ATRX: variants seen among roughly 807,000 people sequenced by gnomAD.
ATRX encodes the protein chromatin remodeler ATRX.
In ATRX, 12 loss-of-function variants were observed where a neutral mutation model predicts 172.6. The observed-to-expected ratio is 0.07, with a 90% CI of 0.04 to 0.11. ATRX has a LOEUF of 0.11. Ranked by LOEUF, ATRX falls within the 10% of genes least tolerant of loss-of-function variation. The pLI is 1.00. For synonymous variants in ATRX, 674 were observed against 594.7 expected (o/e 1.13, Z -1.94); for missense variants, 1,368 against 1,767.4 (o/e 0.77, Z 4.05).
At chrX:77,663,252 G>A (rs2070025749) in intron 12 of ATRX, 130 bp downstream of exon 12, 1 of 698,651 alleles carries the variant, frequency 1.4e-6, no homozygotes, top group Non-Finnish European at 2.3e-6. Context: ...TCCCTATGTT[G>A]CCCAGGCTGG....
chrX:77,522,735 G>C (rs1817804106), intron 31 of ATRX, among the ~76,000 whole-genome samples: 1 of 111,787 alleles, frequency 8.9e-6, no homozygotes, highest in Admixed American at 9.5e-5. Context: ...CCATGCTCAG[G>C]CACATTTTTG....
At chrX:77,561,372 C>G in intron 28 of ATRX, among the ~76,000 whole-genome samples, 1 of 110,701 alleles carries the variant, frequency 9.0e-6, no homozygotes, top group Non-Finnish European at 1.9e-5. Flanking sequence ...CTTCAATACG[C>G]AAGTCCATAT....
chrX:77,629,797 T>G (rs1443236989), intron 19 of ATRX, among the ~76,000 whole-genome samples: 1 of 111,855 alleles, frequency 8.9e-6, no homozygotes, highest in Non-Finnish European at 1.9e-5. Flanking sequence ...ATCAAAAACA[T>G]GACAACCAAC....
chrX:77,645,005 A>G (rs2068839743), intron 15 of ATRX, among the ~76,000 whole-genome samples: 1 of 111,780 alleles, frequency 8.9e-6, no homozygotes, highest in African/African-American at 3.3e-5. Context: ...AAGCAGCAAG[A>G]GAGAAGCAAG....
At chrX:77,526,075 G>A (rs1398890430) in intron 30 of ATRX, among the ~76,000 whole-genome samples, 1 of 111,189 alleles carries the variant, frequency 9.0e-6, no homozygotes. Context: ...TAGAAATTGA[G>A]GCCCAAAGAG....
chrX:77,715,344 G>A (rs1222520325), intron 2 of ATRX, among the ~76,000 whole-genome samples: 4 of 111,456 alleles, frequency 3.6e-5, no homozygotes, highest in African/African-American at 9.8e-5. Flanking sequence ...ACAAGAACAC[G>A]CTGCACAGGT....
chrX:77,662,064 CCTT>C (rs1242217835), intron 12 of ATRX, among the ~76,000 whole-genome samples: 1 of 111,571 alleles, frequency 9.0e-6, no homozygotes, highest in Admixed American at 9.6e-5. Flanking sequence ...TGGGTAAAAG[CCTT>C]CTTTGTGAAG....
At chrX:77,660,977 A>G (rs45459797) in intron 12 of ATRX, among the ~76,000 whole-genome samples, 3,269 of 112,076 alleles carry the variant, frequency 0.029, 63 homozygotes, top group Non-Finnish European at 0.048. Flanking sequence ...CTCTTCTCCA[A>G]CAACCCCATT....
At chrX:77,650,892 C>A (rs1394666446) in intron 15 of ATRX, among the ~76,000 whole-genome samples, 1 of 111,823 alleles carries the variant, frequency 8.9e-6, no homozygotes, top group Non-Finnish European at 1.9e-5. Context: ...CAGGCCCATA[C>A]CAACTATTTT....
At chrX:77,629,867 G>A (rs899794869) in intron 19 of ATRX, among the ~76,000 whole-genome samples, 3 of 112,041 alleles carry the variant, frequency 2.7e-5, no homozygotes, top group Non-Finnish European at 3.8e-5. Flanking sequence ...AATTAGGCAA[G>A]AAAAAGAAGT....
In ATRX at chrX:77,656,571, C is replaced by T. The variant is rs1399734659; in HGVS notation, c.4203G>A (p.Arg1401=). 5.8e-6 allele frequency: 7 copies of T among 1,205,626 alleles called. No homozygotes were observed. In the East Asian group the frequency reaches 2.1e-4, roughly 36 times the overall value. ...EEVSESEDEQ[R]PRTRSAKKAE... ...ACCAATTATAATACCTTGTTCTGGGCCGCTGTTCATCTTCGGATTCACTAA... is the reference window on the plus strand; with the variant it reads ...ACCAATTATAATACCTTGTTCTGGGTCGCTGTTCATCTTCGGATTCACTAA... The change falls in exon 13 of 35, where the codon CGG becomes CGA. Residue 1401 remains arginine (R), a synonymous_variant. Coordinates refer to ENST00000373344, the MANE Select transcript of ATRX (RefSeq NM_000489.6).
intron 26 of ATRX, among the ~76,000 whole-genome samples, chrX:77,591,538 A>T (rs2066903649): frequency 8.9e-6 from 1 of 112,038 alleles, no homozygotes; most frequent in South Asian, 3.7e-4. Flanking sequence ...ACTGAAAACA[A>T]TTGAAGCTAT....
At chrX:77,777,012 T>C (rs2148964446) in intron 1 of ATRX, among the ~76,000 whole-genome samples, 1 of 109,824 alleles carries the variant, frequency 9.1e-6, no homozygotes, top group Admixed American at 9.9e-5. Flanking sequence ...ACTCTGCAAC[T>C]ACAGTGCAAA....
chrX:77,688,678 T>C (rs1478256301), intron 7 of ATRX, 140 bp downstream of exon 7: 3 of 505,614 alleles, frequency 5.9e-6, no homozygotes, highest in Non-Finnish European at 1.0e-5. Flanking sequence ...GCTTTGTACG[T>C]CTATTTTCCC....
chrX:77,697,515 C>T, intron 4 of ATRX, 68 bp downstream of exon 4: 2 of 1,112,537 alleles, frequency 1.8e-6, no homozygotes, highest in Admixed American at 4.5e-5. Flanking sequence ...CAGAAAAAAA[C>T]ATGGTTTTAG....
At chrX:77,519,067 A>G (rs1307840957) in intron 34 of ATRX, among the ~76,000 whole-genome samples, 1 of 112,056 alleles carries the variant, frequency 8.9e-6, no homozygotes, top group Non-Finnish European at 1.9e-5. Context: ...AACACTGGGC[A>G]AACTGTCCAG....
intron 22 of ATRX, chrX:77,616,344 T>C (rs1486741958): frequency 2.1e-6 from 2 of 953,886 alleles, no homozygotes; most frequent in Non-Finnish European, 2.7e-6. Context: ...TTTATTCACA[T>C]TCATAATTTT....
rs190139133 is a variant in ATRX, at chrX:77,725,950, G to A, written c.21-8707C>T. On this transcript the variant is annotated intron_variant, in intron 1 of 34. Transcript: ENST00000373344. ...ACCATCTCATGCCAGTTAGAATGGC[G>A]ATCATTAAAAAGTCAGGAAACAACA... Among the ~76,000 whole-genome samples the A allele has an allele frequency of 8.5e-3, 950 of 111,787 alleles. 10 individuals are homozygous for A. Among genetic ancestry groups the A allele is most frequent in the African/African-American group, 0.029 (888 of 30,792 alleles).
chrX:77,761,145 T>C (rs1351432851), intron 1 of ATRX, among the ~76,000 whole-genome samples: 5 of 111,926 alleles, frequency 4.5e-5, no homozygotes, highest in Admixed American at 2.9e-4. Context: ...AACACCAAGA[T>C]CAAAGTAAAA....
Sources: allele counts gnomAD v4.1 joint callset (sites outside exome capture counted in the v4.1 genomes callset), GRCh38; gene constraint gnomAD v4.1.1; transcripts MANE v1.5; gene names NCBI Gene and HGNC (gene_info 2026-07-23, HGNC 2026-07-21).